The following HAUS7 variants were observed in gnomAD, a reference collection of about 807,000 sequenced individuals.
HAUS7 encodes the protein HAUS augmin like complex subunit 7, also known as HAUS augmin-like complex subunit 7.
Under a neutral mutation model 28.4 loss-of-function variants are expected in HAUS7, and 3 were observed. The observed-to-expected ratio is 0.11, with a 90% confidence interval of 0.05 to 0.27. HAUS7 has a LOEUF of 0.27. Among genes scored for constraint, HAUS7 ranks in the 10% least tolerant of loss-of-function variants. HAUS7 has a pLI of 1.00. For synonymous variants in HAUS7, 165 were observed against 132.1 expected (o/e 1.25, Z -1.71); for missense variants, 284 against 297.3 (o/e 0.96, Z 0.33).
chrX:153,475,148 C>A (rs976716324), upstream of HAUS7, among the ~76,000 whole-genome samples: 2 of 112,805 alleles, frequency 1.8e-5, no homozygotes, highest in African/African-American at 6.4e-5. Context: ...CGCTTTCACA[C>A]GGAGTCCAGC....
At chrX:153,480,961 G>C (rs189876139) in intron 1 of HAUS7, 55 of 754,117 alleles carry the variant, frequency 7.3e-5, no homozygotes, top group Admixed American at 1.7e-4. Context: ...ACAGGAGGCC[G>C]GGAAGACAAG....
chrX:153,450,650 C>T (rs1293720017), intron 9 of HAUS7, among the ~76,000 whole-genome samples: 4 of 112,379 alleles, frequency 3.6e-5, no homozygotes, highest in Admixed American at 1.9e-4. Flanking sequence ...GCCTGGGGGG[C>T]GACTCCTGGT....
chrX:153,462,048 T>C (rs1015629006), intron 4 of HAUS7: 10 of 758,137 alleles, frequency 1.3e-5, no homozygotes, highest in Non-Finnish European at 2.0e-5. Context: ...TCATAGGCCA[T>C]TGGTCACGTG....
At chrX:153,469,363 C>T in intron 1 of HAUS7, 102 bp from the exon 2 acceptor site, 1 of 446,709 alleles carries the variant, frequency 2.2e-6, no homozygotes, top group East Asian at 4.0e-5. Context: ...ACTCTGTCGC[C>T]CAGCCTGGAT....
intron 9 of HAUS7, among the ~76,000 whole-genome samples, chrX:153,452,508 CTT>C (rs1448835944): frequency 8.9e-6 from 1 of 112,200 alleles, no homozygotes; most frequent in Non-Finnish European, 1.9e-5. Context: ...TTAAAAATAA[CTT>C]TTAAAAGAAG....
chrX:153,483,261 C>T, intron 1 of HAUS7: 1 of 742,818 alleles, frequency 1.3e-6, no homozygotes, highest in Non-Finnish European at 1.6e-6. Flanking sequence ...TGGCCAACAA[C>T]TGGCAGGTGG....
intron 1 of HAUS7, chrX:153,481,432 G>A (rs781894276): frequency 3.3e-5 from 25 of 753,602 alleles, no homozygotes; most frequent in Admixed American, 2.6e-4. Context: ...GGGTGGCGGC[G>A]GCAGCACCTC....
In HAUS7 at chrX:153,456,500, A is replaced by G. The variant is rs2089311974; in HGVS notation, c.598T>C (p.Trp200Arg). ...QPLLNKQSDD[W>R]QWASASAKSE... ...GCCTCCAGGAGCACGTACCACTGCC[A>G]GTCATCACTCTGCTTGTTGAGGAGG... The change falls in exon 6 of 10, where the codon TGG becomes CGG. Residue 200 changes from tryptophan to arginine, a missense_variant. Coordinates refer to ENST00000370211, the MANE Select transcript of HAUS7 (RefSeq NM_001385482.1). 8.5e-7 allele frequency: 1 copy of G among 1,181,551 alleles called. No individual in the cohort carries two copies. Among genetic ancestry groups the G allele is most frequent in the Non-Finnish European group, 1.1e-6 (1 of 879,801 alleles).
chrX:153,463,744 G>A (rs1556983805), intron 3 of HAUS7, among the ~76,000 whole-genome samples: 1 of 112,743 alleles, frequency 8.9e-6, no homozygotes, highest in East Asian at 2.8e-4. Context: ...CCTCCAAGCT[G>A]CCAGGCACAG....
At position 153,450,301 on chromosome X, in the gene HAUS7, C is replaced by T. The variant is rs942134066; in HGVS notation, c.1046-2392G>A. 2.7e-5 allele frequency among the ~76,000 whole-genome samples: 3 copies of T among 112,679 alleles called. No homozygotes were observed. In the Admixed American group the frequency reaches 2.8e-4, roughly 11 times the overall value. On this transcript the variant is annotated intron_variant, in intron 9 of 9. Transcript: ENST00000370211. ...CCGCTCAGGCTCTGTGTGAGCCGGG[C>T]CACCAGCTTGGGAGCTGGTTTGCTT...
chrX:153,471,973 T>C (rs2089528247), upstream of HAUS7, among the ~76,000 whole-genome samples: 3 of 112,363 alleles, frequency 2.7e-5, no homozygotes. Flanking sequence ...TTTTTTGTTT[T>C]TGTTTTTCTT....
chrX:153,476,712 C>G (rs2089564512), intron 1 of HAUS7, among the ~76,000 whole-genome samples: 1 of 112,145 alleles, frequency 8.9e-6, no homozygotes, highest in Non-Finnish European at 1.9e-5. Flanking sequence ...GTCACATGGC[C>G]AGTCCGTCCA....
chrX:153,476,897 G>T (rs1277687114), intron 1 of HAUS7, among the ~76,000 whole-genome samples: 5 of 112,223 alleles, frequency 4.5e-5, no homozygotes, highest in African/African-American at 1.6e-4. Context: ...TGGGCGGGGG[G>T]GAGGGCAAGG....
Position 153,456,259 on chromosome X carries a change from C to T in HAUS7, c.705+6G>A. 8.4e-7 allele frequency: 1 copy of T among 1,196,315 alleles called. No individual in the cohort carries two copies. Among genetic ancestry groups the T allele is most frequent in the African/African-American group, 1.7e-5 (1 of 57,657 alleles). ...GCAACCCCCTCCCAGGAGCTAGCAC[C>T]CTCACCTCCGTTCTAAGCGCGTGCA... On this transcript the variant is annotated splice_donor_region_variant and intron_variant, in intron 7 of 9. Transcript: ENST00000370211.
chrX:153,486,663 C>T lies in HAUS7; in HGVS notation c.-589+8711G>A, dbSNP rs371262706. Reference sequence around the variant, plus strand: ...CCTTGAATTCCATCTGTGACATGCGCGTGGCTCAGGACTCCAACCTTACCT... The same window carrying T: ...CCTTGAATTCCATCTGTGACATGCGTGTGGCTCAGGACTCCAACCTTACCT... On this transcript the variant is annotated intron_variant, in intron 1 of 5. Coordinates refer to the HAUS7 transcript ENST00000370210. 65 of 981,217 alleles carry T rather than the reference C, an allele frequency of 6.6e-5. No individual in the cohort carries two copies. The Middle Eastern group carries it at 3.5e-3, about 53-fold the overall frequency. 80.9% of individuals were successfully genotyped at this position (981,217 alleles called of 1,213,427 possible). A position where few individuals can be genotyped will look rare whatever the true frequency, so the allele number is the denominator to read the frequency against.
chrX:153,470,950 G>A (rs1374765355), upstream of HAUS7: 11 of 334,992 alleles, frequency 3.3e-5, no homozygotes, highest in Non-Finnish European at 5.8e-5. Flanking sequence ...CTGCCGGCCG[G>A]GAATGATGAT....
At chrX:153,454,718 C>T (rs1342724547) in intron 8 of HAUS7, 24 of 488,611 alleles carry the variant, frequency 4.9e-5, no homozygotes, top group Non-Finnish European at 8.1e-5. Context: ...TCCCCTCTTC[C>T]TGGCCCAGTG....
At chrX:153,461,382 T>A (rs2089387828) in intron 4 of HAUS7, among the ~76,000 whole-genome samples, 1 of 110,443 alleles carries the variant, frequency 9.1e-6, no homozygotes, top group Non-Finnish European at 1.9e-5. Flanking sequence ...GTGCAGGGTG[T>A]CGTGTCCATG....
At chrX:153,456,114 T>C (rs2089304311) in intron 7 of HAUS7, 151 bp downstream of exon 7, 1 of 481,314 alleles carries the variant, frequency 2.1e-6, no homozygotes. Context: ...GGGACCCACC[T>C]CTCACCTCCC....
Sources: allele counts gnomAD v4.1 joint callset (sites outside exome capture counted in the v4.1 genomes callset), GRCh38; gene constraint gnomAD v4.1.1; transcripts MANE v1.5; gene names NCBI Gene and HGNC (gene_info 2026-07-23, HGNC 2026-07-21).